WWP1: variants seen among roughly 807,000 people sequenced by gnomAD.
WWP1 encodes the protein WW domain containing E3 ubiquitin protein ligase 1.
In WWP1, 49 loss-of-function variants were observed where a neutral mutation model predicts 130.6. The ratio of observed to expected loss-of-function variants is 0.38; its 90% CI spans 0.30 to 0.48. The LOEUF (loss-of-function observed/expected upper bound fraction) is 0.48, where lower values mean the gene tolerates loss of function less well. Ranked by LOEUF, WWP1 falls within the 20% of genes least tolerant of loss-of-function variation. WWP1 has a pLI of 0.99. For missense variants in WWP1, 809 were observed against 1,100.6 expected (o/e 0.74, Z 3.75); for synonymous variants, 332 against 367.8 (o/e 0.90, Z 1.11).
intron 8 of WWP1, among the ~76,000 whole-genome samples, chr8:86,406,420 G>C (rs1340641702): frequency 6.6e-6 from 1 of 152,146 alleles, no homozygotes; most frequent in Non-Finnish European, 1.5e-5. Flanking sequence ...TCAGTATGGT[G>C]AGTTTCAGAC....
chr8:86,409,872 T>A (rs1808493931), intron 8 of WWP1, among the ~76,000 whole-genome samples: 1 of 152,138 alleles, frequency 6.6e-6, no homozygotes, highest in Middle Eastern at 3.4e-3. Flanking sequence ...AAAAAAAAGT[T>A]CTTAAAATGT....
intron 20 of WWP1, 55 bp downstream of exon 20, chr8:86,448,568 C>T: frequency 1.9e-6 from 3 of 1,541,134 alleles, no homozygotes; most frequent in Non-Finnish European, 8.8e-7. Context: ...GAACTAAATC[C>T]TCTCTCTGTA....
At chr8:86,406,697 A>T in intron 8 of WWP1, among the ~76,000 whole-genome samples, 1 of 152,134 alleles carries the variant, frequency 6.6e-6, no homozygotes, top group Middle Eastern at 3.2e-3. Context: ...GTTTTGTCAC[A>T]CATATGGCTT....
rs372903662 is a variant in WWP1, at chr8:86,402,111, A to G, written c.632A>G (p.Asp211Gly). The G allele has an allele frequency of 7.4e-5, 119 of 1,614,146 alleles. 1 individual carries two copies. The South Asian group carries it at 1.1e-3, about 15-fold the overall frequency. The stretch of plus-strand genomic sequence containing the variant: ...TGCTGCTCGTATGTAGTTAATGGAG[A>G]CAACACACCTTCATCTCCGTCTCAG... ...NSCCSYVVNG[D>G]NTPSSPSQVA... The change falls in exon 8 of 25, where the codon GAC becomes GGC. Residue 211 changes from aspartate to glycine, a missense_variant. By Grantham distance (94) the Asp-to-Gly change is moderately conservative (BLOSUM62 -1). This residue lies in a region of WWP1 where 262 missense variants were observed against 346.0 expected (regional missense o/e 0.76). Coordinates refer to ENST00000517970, the MANE Select transcript of WWP1 (RefSeq NM_007013.4).
intron 1 of WWP1, among the ~76,000 whole-genome samples, chr8:86,343,960 A>G (rs1488608747): frequency 6.9e-6 from 1 of 143,940 alleles, no homozygotes; most frequent in Non-Finnish European, 1.5e-5. Context: ...AGTTACCTGC[A>G]TTTTTTTTTT....
chr8:86,448,575 T>G, intron 20 of WWP1, 62 bp downstream of exon 20: 3 of 1,473,168 alleles, frequency 2.0e-6, no homozygotes, highest in African/African-American at 1.4e-5. Context: ...ATCCTCTCTC[T>G]GTACCCTTAA....
At chr8:86,466,597 C>T (rs536970518) in intron 24 of WWP1, among the ~76,000 whole-genome samples, 197 bp from the exon 25 acceptor site, 55 of 150,896 alleles carry the variant, frequency 3.6e-4, no homozygotes, top group African/African-American at 1.2e-3. Flanking sequence ...TTTGTAATTC[C>T]ATTTTCCTCT....
intron 21 of WWP1, among the ~76,000 whole-genome samples, chr8:86,457,522 CATA>C (rs1035842185): frequency 4.6e-5 from 7 of 151,332 alleles, no homozygotes; most frequent in Non-Finnish European, 1.0e-4. Context: ...ACCATATATA[CATA>C]ATGTGTGTAT....
intron 11 of WWP1, among the ~76,000 whole-genome samples, chr8:86,429,047 A>T (rs767512952): frequency 6.6e-6 from 1 of 152,296 alleles, no homozygotes; most frequent in South Asian, 2.1e-4. Context: ...CAGTAGTGTC[A>T]TCAAGGACCC....
intron 8 of WWP1, among the ~76,000 whole-genome samples, chr8:86,403,223 G>T (rs1352409792): frequency 6.6e-6 from 1 of 152,146 alleles, no homozygotes; most frequent in African/African-American, 2.4e-5. Flanking sequence ...TCTATTTATG[G>T]AAGTATTCAG....
At chr8:86,446,135 C>T (rs1810861727) in intron 18 of WWP1, among the ~76,000 whole-genome samples, 1 of 151,868 alleles carries the variant, frequency 6.6e-6, no homozygotes, top group Non-Finnish European at 1.5e-5. Flanking sequence ...GCACGCACCA[C>T]CACACTCAGC....
In WWP1 at chr8:86,448,239, A is replaced by G; in HGVS notation, c.2090A>G (p.Glu697Gly). 1 of 1,583,612 alleles carries G rather than the reference A, an allele frequency of 6.3e-7. No individual in the cohort carries two copies. Among genetic ancestry groups the G allele is most frequent in the Non-Finnish European group, 8.5e-7 (1 of 1,172,600 alleles). The change falls in exon 19 of 25, where the codon GAA becomes GGA. Residue 697 changes from glutamate (E) to glycine (G), a missense_variant. Physicochemically the swap from Glu to Gly is moderately conservative, Grantham distance 98 (BLOSUM62 -2). Around this residue, in one of 3 missense-constraint regions of WWP1, gnomAD observed 450 missense variants for 674.2 expected, o/e 0.67. Transcript: ENST00000517970. ...LSKKLTIKDL[E>G]SIDTEFYNSL... is the part of the protein sequence containing the mutation. ...AAAAAACTTACTATTAAGGATTTGG[A>G]ATCTATTGATACTGAATTTTATAAC...
intron 14 of WWP1, among the ~76,000 whole-genome samples, chr8:86,434,484 A>G (rs965057402): frequency 6.6e-6 from 1 of 152,138 alleles, no homozygotes; most frequent in Non-Finnish European, 1.5e-5. Flanking sequence ...TTTTTGCTCA[A>G]ATGTCACTTT....
At chr8:86,346,226 T>C (rs1822571096) in intron 1 of WWP1, among the ~76,000 whole-genome samples, 1 of 152,172 alleles carries the variant, frequency 6.6e-6, no homozygotes, top group African/African-American at 2.4e-5. Context: ...TCATTTGGAT[T>C]GTTACTTTCT....
intron 24 of WWP1, among the ~76,000 whole-genome samples, chr8:86,466,562 T>C (rs1812164150): frequency 6.6e-6 from 1 of 151,960 alleles, no homozygotes. Context: ...TAAATTTGTC[T>C]TTATCCATAT....
At chr8:86,413,965 C>G (rs1290583908) in intron 9 of WWP1, among the ~76,000 whole-genome samples, 3 of 152,068 alleles carry the variant, frequency 2.0e-5, no homozygotes, top group Non-Finnish European at 4.4e-5. Context: ...CATTCCAGTT[C>G]AAAACAGTAA....
At chr8:86,408,020 A>G (rs1808376464) in intron 8 of WWP1, among the ~76,000 whole-genome samples, 1 of 152,228 alleles carries the variant, frequency 6.6e-6, no homozygotes, top group Non-Finnish European at 1.5e-5. Flanking sequence ...ATCATACAGA[A>G]TAGTTTTACT....
chr8:86,380,456 T>A (rs996823860), intron 3 of WWP1, among the ~76,000 whole-genome samples: 9 of 152,174 alleles, frequency 5.9e-5, no homozygotes, highest in African/African-American at 2.2e-4. Context: ...TGGTGATGGT[T>A]GTGCCACTCT....
intron 18 of WWP1, among the ~76,000 whole-genome samples, chr8:86,443,863 C>A (rs1775569804): frequency 6.6e-6 from 1 of 151,988 alleles, no homozygotes; most frequent in South Asian, 2.1e-4. Flanking sequence ...GAGAAAGAGA[C>A]CAGTATAATT....
Sources: allele counts gnomAD v4.1 joint callset (sites outside exome capture counted in the v4.1 genomes callset), GRCh38; gene constraint gnomAD v4.1.1; regional missense constraint gnomAD v4.1.1; transcripts MANE v1.5; gene names NCBI Gene and HGNC (gene_info 2026-07-23, HGNC 2026-07-21).